The following FGF13 variants were observed in gnomAD, a reference collection of about 807,000 sequenced individuals.
FGF13 encodes the protein fibroblast growth factor 13.
A neutral mutation model predicts 19.5 loss-of-function variants in FGF13; 2 were observed. The observed-to-expected ratio is 0.10, with a 90% CI of 0.04 to 0.32. The LOEUF is 0.32. Ranked by LOEUF, FGF13 falls within the 10% of genes least tolerant of loss-of-function variation. FGF13 has a pLI of 1.00. For synonymous variants in FGF13, 72 were observed against 76.9 expected, an observed-to-expected ratio of 0.94 and a Z score of 0.33; for missense variants, 113 against 192.7, an observed-to-expected ratio of 0.59 and a Z score of 2.45.
intron 1 of FGF13, among the ~76,000 whole-genome samples, chrX:139,065,637 A>G (rs976582765): frequency 3.6e-5 from 4 of 111,218 alleles, no homozygotes; most frequent in South Asian, 7.7e-4. Context: ...TCCTAAATAC[A>G]TATGCACCCA....
intron 2 of FGF13, among the ~76,000 whole-genome samples, chrX:138,861,192 T>C (rs1384973494): frequency 8.9e-6 from 1 of 112,212 alleles, no homozygotes; most frequent in Non-Finnish European, 1.9e-5. Flanking sequence ...AAGGACACAG[T>C]CAGGGAGCAG....
chrX:138,817,682 C>T (rs1318076545), intron 3 of FGF13, among the ~76,000 whole-genome samples: 2 of 111,725 alleles, frequency 1.8e-5, no homozygotes, highest in South Asian at 7.5e-4. Context: ...TGGTTTAATT[C>T]CTCTGAAAAA....
intron 3 of FGF13, among the ~76,000 whole-genome samples, chrX:138,800,096 G>A (rs766742699): frequency 8.9e-6 from 1 of 112,111 alleles, no homozygotes; most frequent in African/African-American, 3.2e-5. Flanking sequence ...ATTGTTATGT[G>A]TGAATTTGAT....
At chrX:138,817,677 T>A (rs1399458767) in intron 3 of FGF13, among the ~76,000 whole-genome samples, 4 of 111,962 alleles carry the variant, frequency 3.6e-5, no homozygotes, top group Admixed American at 9.5e-5. Flanking sequence ...TGATATGGTT[T>A]AATTCCTCTG....
At position 138,711,661 on chromosome X, in the gene FGF13, GGCACAGTCGCA is replaced by G; in HGVS notation, c.-669_-659del. ...TCGCTGTTGCTGCTGCTCTGGGCGC[GGCACAGTCGCA>G]GCACAGGAATTCAGCCGCCGCAGGC... On this transcript the variant is annotated 5_prime_UTR_variant, in exon 1 of 5. Coordinates refer to ENST00000315930, the MANE Select transcript of FGF13 (RefSeq NM_004114.5). 1 of 754,501 alleles carries G rather than the reference GGCACAGTCGCA, an allele frequency of 1.3e-6. No homozygotes were observed. Among genetic ancestry groups the G allele is most frequent in the Non-Finnish European group, 1.6e-6 (1 of 638,947 alleles). The allele number at this position is 754,501 out of a possible 1,213,427, so 62.2% of individuals were successfully genotyped here. A position where few individuals can be genotyped will look rare whatever the true frequency, so the allele number is the denominator to read the frequency against.
chrX:139,131,471 AG>A lies in FGF13; in HGVS notation c.-113+71944del, dbSNP rs780759171. Reference sequence around the variant, plus strand: ...GCAGTCAAAAATGATGAACAGAGCTAGGTGCAGTGGCTCACACACTTCGGGA... The same window carrying A: ...GCAGTCAAAAATGATGAACAGAGCTAGTGCAGTGGCTCACACACTTCGGGA... On this transcript the variant is annotated intron_variant, in intron 1 of 2. Coordinates refer to the FGF13 transcript ENST00000421460. 5.5e-5 allele frequency among the ~76,000 whole-genome samples: 6 copies of A among 109,927 alleles called. No homozygotes were observed. In the East Asian group the frequency reaches 1.7e-3, roughly 32 times the overall value.
At chrX:138,966,164 CG>C (rs1350898184) in intron 1 of FGF13, among the ~76,000 whole-genome samples, 4 of 111,557 alleles carry the variant, frequency 3.6e-5, no homozygotes, top group Non-Finnish European at 7.5e-5. Flanking sequence ...AATGTGGGGT[CG>C]GAGCCTCCCC....
At chrX:139,020,573 T>C (rs1298261469) in intron 1 of FGF13, among the ~76,000 whole-genome samples, 3 of 111,460 alleles carry the variant, frequency 2.7e-5, no homozygotes, top group African/African-American at 9.8e-5. Context: ...CTTTGCTAAA[T>C]GGAGTTGGCT....
chrX:139,177,682 G>A (rs943529694), intron 1 of FGF13, among the ~76,000 whole-genome samples: 7 of 111,408 alleles, frequency 6.3e-5, no homozygotes, highest in African/African-American at 2.0e-4. Context: ...GGTGGGATCC[G>A]GGCAGCTAGA....
chrX:138,958,278 G>C (rs934782992), intron 1 of FGF13, among the ~76,000 whole-genome samples: 1 of 111,990 alleles, frequency 8.9e-6, no homozygotes, highest in Non-Finnish European at 1.9e-5. Flanking sequence ...CATCGATTGA[G>C]ATAATCATGT....
chrX:139,004,171 G>A (rs968381666), intron 1 of FGF13, among the ~76,000 whole-genome samples: 3 of 112,894 alleles, frequency 2.7e-5, no homozygotes, highest in Admixed American at 9.3e-5. Flanking sequence ...GCCCTGCCCC[G>A]CAGGAAGGCA....
chrX:139,160,386 T>C (rs920101308), intron 1 of FGF13, among the ~76,000 whole-genome samples: 7 of 111,198 alleles, frequency 6.3e-5, no homozygotes, highest in African/African-American at 2.3e-4. Context: ...CAGGAGAAAG[T>C]GGGAAAGATC....
chrX:138,875,989 G>A (rs1017890730), intron 1 of FGF13, among the ~76,000 whole-genome samples: 2 of 99,222 alleles, frequency 2.0e-5, no homozygotes, highest in Non-Finnish European at 4.0e-5. Context: ...TCTCCCTATC[G>A]GCTTGTACAC....
intron 3 of FGF13, among the ~76,000 whole-genome samples, chrX:138,678,765 A>C (rs752999057): frequency 8.9e-6 from 1 of 112,198 alleles, no homozygotes; most frequent in Non-Finnish European, 1.9e-5. Flanking sequence ...TGAACAAAGT[A>C]CCCTCAACCA....
chrX:139,081,952 A>G (rs1027856633), intron 1 of FGF13, among the ~76,000 whole-genome samples: 1 of 111,674 alleles, frequency 9.0e-6, no homozygotes. Flanking sequence ...TCATTTTCAA[A>G]TTGAAGTCAG....
intron 3 of FGF13, among the ~76,000 whole-genome samples, chrX:138,641,935 T>C (rs930140513): frequency 2.7e-5 from 3 of 111,708 alleles, no homozygotes; most frequent in Non-Finnish European, 5.6e-5. Flanking sequence ...AAATTATCAA[T>C]ACATACCTAG....
Position 138,937,761 on chromosome X carries a change from GC to G in FGF13, c.-112-73112del, listed in dbSNP as rs746149109. Among the ~76,000 whole-genome samples the G allele has an allele frequency of 4.2e-3, 473 of 111,920 alleles. 2 individuals are homozygous for G. The highest frequency in any genetic ancestry group is 0.018 in the Middle Eastern group (4 of 217). ...ACAATTTAGAAACAAAAAATCGAAG[GC>G]CAAAAAGAAAAAGAGAAGGCTATTA... On this transcript the variant is annotated intron_variant, in intron 1 of 2. Coordinates refer to the FGF13 transcript ENST00000421460.
At chrX:138,851,653 G>A (rs1403541721) in intron 3 of FGF13, among the ~76,000 whole-genome samples, 1 of 111,740 alleles carries the variant, frequency 8.9e-6, no homozygotes, top group East Asian at 2.8e-4. Flanking sequence ...CTTGAAAACC[G>A]GCACAAGACA....
chrX:138,866,025 G>T (rs180738269), intron 1 of FGF13, among the ~76,000 whole-genome samples: 15 of 112,576 alleles, frequency 1.3e-4, no homozygotes, highest in Non-Finnish European at 1.9e-5. Flanking sequence ...AGAACTAATT[G>T]GAAATCTTGT....
Sources: gnomAD v4.1 joint callset for allele counts (sites outside exome capture counted in the v4.1 genomes callset) on GRCh38, gnomAD v4.1.1 for gene constraint, MANE v1.5 for transcripts, NCBI Gene and HGNC (gene_info 2026-07-23, HGNC 2026-07-21) for gene names.